ZSCAN32: variants seen among roughly 807,000 people sequenced by gnomAD.
ZSCAN32 encodes the protein zinc finger and SCAN domain-containing protein 32.
In ZSCAN32, 52 loss-of-function variants were observed where a neutral mutation model predicts 47.4. The ratio of observed to expected loss-of-function variants is 1.10; its 90% CI spans 0.88 to 1.38. The LOEUF (loss-of-function observed/expected upper bound fraction) is 1.38, where lower values mean the gene tolerates loss of function less well. Among genes scored for constraint, ZSCAN32 ranks in the 40% most tolerant of loss-of-function variants. The probability of loss-of-function intolerance (pLI) is 0.00; values close to 1 mark genes in which losing one functional copy is unlikely to be tolerated. For missense variants in ZSCAN32, 959 were observed against 846.0 expected (o/e 1.13, Z -1.66); for synonymous variants, 346 against 305.7 (o/e 1.13, Z -1.38).
At position 3,390,038 on chromosome 16, in the gene ZSCAN32, G is replaced by A; in HGVS notation, c.723C>T (p.Thr241=). The A allele has an allele frequency of 1.2e-6, 2 of 1,613,656 alleles. No homozygotes were observed. The highest frequency in any genetic ancestry group is 1.7e-6 in the Non-Finnish European group (2 of 1,179,830). ...PAQRALYRGA[T]QRKDSHVSLA... is the part of the protein sequence containing the mutation. ...GCGAGACGTGACTGTCCTTCCTCTG[G>A]GTGGCACCCCTGTAGAGGGCCCTTT... is the stretch of plus-strand genomic sequence containing the variant. Residue 241 remains threonine (T), a synonymous_variant, in exon 5 of 7, where the codon ACC becomes ACT. Transcript: ENST00000396852.
chr16:3,392,777 G>A (rs2032874040), intron 3 of ZSCAN32, among the ~76,000 whole-genome samples: 1 of 151,980 alleles, frequency 6.6e-6, no homozygotes, highest in Non-Finnish European at 1.5e-5. Flanking sequence ...AGTAAGCCAA[G>A]ATCGCATTAC....
chr16:3,393,728 C>G lies in ZSCAN32; in HGVS notation c.453G>C (p.Trp151Cys). 1 of 1,550,478 alleles carries G rather than the reference C, an allele frequency of 6.4e-7. No homozygotes were observed. The highest frequency in any genetic ancestry group is 2.4e-5 in the East Asian group (1 of 40,882). The change falls in exon 3 of 7, where the codon TGG becomes TGC. Residue 151 changes from tryptophan (W) to cysteine (C), a missense_variant. By Grantham distance (215) the Trp-to-Cys change is radical. Transcript: ENST00000396852. ...GATRESLRSQWKQEVQPEEPT... is the reference protein window; with the variant it reads ...GATRESLRSQCKQEVQPEEPT... ...GTTCCTCTGGCTGAACCTCCTGTTT[C>G]CATTGGGATCTCAGTGATTCTCTGG...
rs1267181707 is a variant in ZSCAN32 at position 3,384,861 on chromosome 16, G to T, written c.832C>A (p.Gln278Lys). 1.2e-5 allele frequency: 20 copies of T among 1,613,976 alleles called. No individual in the cohort carries two copies. Among genetic ancestry groups the T allele is most frequent in the Non-Finnish European group, 1.6e-5 (19 of 1,180,026 alleles). Reference protein sequence around the residue: ...LSSSQFYGKLQTCQQNSQIYR... With the variant: ...LSSSQFYGKLKTCQQNSQIYR... ...ATCTGGCTGTTCTGCTGACAGGTCT[G>T]GAGTTTTCCATAAAATTGAGAACTA... Residue 278 changes from glutamine (Q) to lysine (K), a missense_variant, in exon 6 of 7, where the codon CAG (glutamine) becomes AAG (lysine). By Grantham distance (53) the Gln-to-Lys change is moderately conservative. Transcript: ENST00000396852.
intron 3 of ZSCAN32, among the ~76,000 whole-genome samples, chr16:3,392,041 C>G (rs984879048): frequency 1.3e-5 from 2 of 152,154 alleles, no homozygotes; most frequent in East Asian, 3.8e-4. Flanking sequence ...AATATAGACC[C>G]TTGGAATATC....
chr16:3,385,993 C>A, intron 5 of ZSCAN32, among the ~76,000 whole-genome samples: 1 of 152,162 alleles, frequency 6.6e-6, no homozygotes, highest in Admixed American at 6.5e-5. Flanking sequence ...AAACTACCAT[C>A]AGAGTGAACA....
Position 3,382,868 on chromosome 16 carries a change from C to A in ZSCAN32, c.2078G>T (p.Gly693Val). 1 of 1,567,822 alleles carries A rather than the reference C, an allele frequency of 6.4e-7. No homozygotes were observed. The highest frequency in any genetic ancestry group is 8.7e-7 in the Non-Finnish European group (1 of 1,154,972). ...HMKAVLSSQE[G>V]RDAL Reference sequence around the variant, plus strand: ...CCGACACACTCATAACGCATCTCTTCCTTCCTGTGATGAGAGTACTGCTTT... The same window carrying A: ...CCGACACACTCATAACGCATCTCTTACTTCCTGTGATGAGAGTACTGCTTT... The change falls in exon 7 of 7, where the codon GGA (glycine) becomes GTA (valine). Residue 693 changes from glycine (G) to valine (V), a missense_variant. Physicochemically the swap from Gly to Val is moderately radical, Grantham distance 109 (BLOSUM62 -3). Coordinates refer to ENST00000396852, the MANE Select transcript of ZSCAN32 (RefSeq NM_001284527.2).
At chr16:3,393,558 G>A in intron 3 of ZSCAN32, 91 bp downstream of exon 3, 5 of 1,304,542 alleles carry the variant, frequency 3.8e-6, no homozygotes, top group Non-Finnish European at 3.0e-6. Context: ...CATTTAGTCT[G>A]GAACCCTTGG....
chr16:3,385,083 G>C, intron 5 of ZSCAN32, 142 bp from the exon 6 acceptor site: 1 of 956,652 alleles, frequency 1.0e-6, no homozygotes, highest in Non-Finnish European at 1.5e-6. Context: ...CCAGCACTTT[G>C]GGAGGCCAAG....
intron 5 of ZSCAN32, among the ~76,000 whole-genome samples, chr16:3,387,347 C>T (rs1391055499): frequency 1.3e-5 from 2 of 152,224 alleles, no homozygotes; most frequent in Non-Finnish European, 2.9e-5. Context: ...AGGAATACCT[C>T]CTCAGCCAGC....
rs1422008072 is a variant in ZSCAN32 at position 3,383,242 on chromosome 16, T to C, written c.1704A>G (p.Leu568=). The C allele has an allele frequency of 6.2e-7, 1 of 1,614,084 alleles. No individual in the cohort carries two copies. Among genetic ancestry groups the C allele is most frequent in the South Asian group, 1.1e-5 (1 of 91,070 alleles). ...AGGGCCTCTCCCCTGTGTGAGTTCG[T>C]AGGTGGGCAGTGAGGTTGGAGCGCT... ...FSERSNLTAH[L]RTHTGERPYQ... is the part of the protein sequence containing the mutation. The change falls in exon 7 of 7, where the codon CTA becomes CTG. Residue 568 remains leucine (L), a synonymous_variant. Coordinates refer to ENST00000396852, the MANE Select transcript of ZSCAN32 (RefSeq NM_001284527.2).
At chr16:3,390,280 T>G in intron 4 of ZSCAN32, 143 bp downstream of exon 4, 1 of 1,381,668 alleles carries the variant, frequency 7.2e-7, no homozygotes, top group South Asian at 1.5e-5. Flanking sequence ...CTGAGCCATG[T>G]GATGATGTCA....
chr16:3,383,601 A>G lies in ZSCAN32; in HGVS notation c.1345T>C (p.Ser449Pro). The change falls in exon 7 of 7, where the codon TCT (serine) becomes CCT (proline). Residue 449 changes from serine to proline, a missense_variant. Physicochemically the swap from Ser to Pro is moderately conservative, Grantham distance 74. Transcript: ENST00000396852. ...CTCTCCAAGCCTTTTTGTAGCTCAG[A>G]GTGCCAATAAACTCCTCTGGACTTT... ...QRKSRGVYWH[S>P]ELQKGLESEP... is the part of the protein sequence containing the mutation. 1 of 1,613,892 alleles carries G rather than the reference A, an allele frequency of 6.2e-7. No individual in the cohort carries two copies.
chr16:3,384,464 CTGTT>C lies in ZSCAN32; in HGVS notation c.1225_1228del (p.Asn409AspfsTer15). ...CAGAGCCAAGGGAGTCTTACCAAGT[CTGTT>C]TGGGAACAGCACTGGCAGGTCTAGT... On this transcript the variant is annotated frameshift_variant, in exon 6 of 7. Transcript: ENST00000396852. LOFTEE classifies it low-confidence loss of function (END_TRUNC). The C allele has an allele frequency of 6.2e-7, 1 of 1,614,120 alleles. No homozygotes were observed.
intron 5 of ZSCAN32, among the ~76,000 whole-genome samples, chr16:3,385,349 G>A (rs977099840): frequency 1.3e-5 from 2 of 152,036 alleles, no homozygotes; most frequent in African/African-American, 2.4e-5. Flanking sequence ...AATCAATATC[G>A]TGAAAATGGC....
chr16:3,399,857 T>C (rs1430746625), intron 1 of ZSCAN32, among the ~76,000 whole-genome samples: 1 of 152,222 alleles, frequency 6.6e-6, no homozygotes, highest in Non-Finnish European at 1.5e-5. Flanking sequence ...CCTCCCACCT[T>C]GGCCTCCCAA....
chr16:3,390,057 G>A lies in ZSCAN32; in HGVS notation c.704C>T (p.Ala235Val), dbSNP rs1278555271. The change falls in exon 5 of 7, where the codon GCC becomes GTC. Residue 235 changes from alanine (A) to valine (V), a missense_variant. Physicochemically the swap from Ala to Val is moderately conservative, Grantham distance 64. Coordinates refer to ENST00000396852, the MANE Select transcript of ZSCAN32 (RefSeq NM_001284527.2). ...EWMCPGPAQRALYRGATQRKD... is the reference protein window; with the variant it reads ...EWMCPGPAQRVLYRGATQRKD... ...CCTCTGGGTGGCACCCCTGTAGAGG[G>A]CCCTTTGTGCAGGGCCTGGGCACAT... The A allele has an allele frequency of 6.2e-7, 1 of 1,613,978 alleles. No individual in the cohort carries two copies. The highest frequency in any genetic ancestry group is 8.5e-7 in the Non-Finnish European group (1 of 1,179,964).
In ZSCAN32 at chr16:3,390,472, C is replaced by T; in HGVS notation, c.578G>A (p.Gly193Asp). The change falls in exon 4 of 7, where the codon GGT becomes GAT. Residue 193 changes from glycine (G) to aspartate (D), a missense_variant. Gly to Asp is a moderately conservative substitution (Grantham distance 94). Transcript: ENST00000396852. ...QAPRNLPQNT[G>D]LHDQETGAVV... ...AGCACCTGTCTCCTGGTCGTGGAGACCTGTGTTTTGAGGCAGGTTCCTGGG... is the reference window on the plus strand; with the variant it reads ...AGCACCTGTCTCCTGGTCGTGGAGATCTGTGTTTTGAGGCAGGTTCCTGGG... The T allele has an allele frequency of 6.5e-7, 1 of 1,549,826 alleles. No homozygotes were observed. Among genetic ancestry groups the T allele is most frequent in the Non-Finnish European group, 8.7e-7 (1 of 1,146,960 alleles).
intron 2 of ZSCAN32, among the ~76,000 whole-genome samples, chr16:3,396,096 T>C (rs914009012): frequency 2.6e-5 from 4 of 152,192 alleles, no homozygotes. Flanking sequence ...GGAACTGGGC[T>C]AGGATGACTC....
chr16:3,384,998 C>T, intron 5 of ZSCAN32, 57 bp from the exon 6 acceptor site: 1 of 1,551,714 alleles, frequency 6.4e-7, no homozygotes, highest in Non-Finnish European at 8.7e-7. Context: ...GAGGACTGTA[C>T]ATACTGCAGT....
Sources: gnomAD v4.1 joint callset for allele counts (sites outside exome capture counted in the v4.1 genomes callset) on GRCh38, gnomAD v4.1.1 for gene constraint, MANE v1.5 for transcripts, NCBI Gene and HGNC (gene_info 2026-07-23, HGNC 2026-07-21) for gene names.